The following ORC3 variants were observed in gnomAD, a reference collection of about 807,000 sequenced individuals.
ORC3 encodes origin recognition complex subunit 3.
A neutral mutation model predicts 100.7 loss-of-function variants in ORC3; 78 were observed. That is an observed-to-expected ratio of 0.77 (90% CI 0.65 to 0.94). ORC3 has a LOEUF of 0.94. ORC3 is among the 40% of genes least tolerant of loss of function. ORC3 has a pLI of 0.00. For missense variants in ORC3, 789 were observed against 823.9 expected, an observed-to-expected ratio of 0.96 and a Z score of 0.52; for synonymous variants, 295 against 289.3, an observed-to-expected ratio of 1.02 and a Z score of -0.20.
chr6:87,625,266 A>C (rs1276307739), intron 11 of ORC3, among the ~76,000 whole-genome samples: 1 of 152,188 alleles, frequency 6.6e-6, no homozygotes, highest in Non-Finnish European at 1.5e-5. Context: ...TTGAGGAATC[A>C]CCACACTGTC....
At chr6:87,662,153 G>A (rs1454283655) in intron 16 of ORC3, among the ~76,000 whole-genome samples, 4 of 152,076 alleles carry the variant, frequency 2.6e-5, no homozygotes, top group East Asian at 1.9e-4. Context: ...GGCCGGGTGC[G>A]GTGGCTCACA....
intron 3 of ORC3, among the ~76,000 whole-genome samples, chr6:87,602,286 A>G (rs1777963158): frequency 1.3e-5 from 2 of 152,168 alleles, no homozygotes; most frequent in South Asian, 4.1e-4. Flanking sequence ...GATGTTTATG[A>G]TAGCTGTTAA....
the ORC3 span, among the ~76,000 whole-genome samples, chr6:87,676,308 C>CA: frequency 2.7e-5 from 4 of 149,794 alleles, no homozygotes; most frequent in Non-Finnish European, 4.4e-5. Flanking sequence ...ACTAAAAATA[C>CA]AAAAAAATTA....
At chr6:87,602,588 G>T (rs962144450) in intron 3 of ORC3, among the ~76,000 whole-genome samples, 1 of 151,882 alleles carries the variant, frequency 6.6e-6, no homozygotes, top group Non-Finnish European at 1.5e-5. Context: ...ACACCTAGTG[G>T]TAATGAGCAA....
At chr6:87,635,398 T>C (rs1419796325) in intron 12 of ORC3, among the ~76,000 whole-genome samples, 1 of 152,236 alleles carries the variant, frequency 6.6e-6, no homozygotes, top group East Asian at 1.9e-4. Context: ...CTTTATGTTA[T>C]TCGATAAACC....
At chr6:87,652,813 C>T (rs182869234) in intron 13 of ORC3, among the ~76,000 whole-genome samples, 7 of 152,292 alleles carry the variant, frequency 4.6e-5, no homozygotes, top group Admixed American at 1.3e-4. Flanking sequence ...TTACAGACAA[C>T]GAACCAAGGA....
intron 9 of ORC3, among the ~76,000 whole-genome samples, chr6:87,617,214 T>C (rs1007436105): frequency 1.3e-5 from 2 of 152,178 alleles, no homozygotes; most frequent in Non-Finnish European, 2.9e-5. Flanking sequence ...TGCATGTGTG[T>C]GTGTGTGTGT....
chr6:87,672,062 A>G (rs886854164), downstream of ORC3, among the ~76,000 whole-genome samples: 1 of 152,226 alleles, frequency 6.6e-6, no homozygotes, highest in Non-Finnish European at 1.5e-5. Context: ...AGGAATCTTA[A>G]TTGAATCGTG....
intron 1 of ORC3, among the ~76,000 whole-genome samples, 165 bp from the exon 2 acceptor site, chr6:87,594,188 A>G (rs1318326680): frequency 6.6e-6 from 1 of 152,206 alleles, no homozygotes; most frequent in Non-Finnish European, 1.5e-5. Flanking sequence ...TTTTCCTTCT[A>G]TAGGTCAGAG....
intron 11 of ORC3, among the ~76,000 whole-genome samples, chr6:87,622,593 A>G (rs990447483): frequency 3.3e-5 from 5 of 152,092 alleles, no homozygotes; most frequent in Non-Finnish European, 5.9e-5. Flanking sequence ...CAAAATGGAT[A>G]TAGTATACTA....
chr6:87,661,294 C>T (rs1352374929), intron 16 of ORC3, among the ~76,000 whole-genome samples: 1 of 152,056 alleles, frequency 6.6e-6, no homozygotes, highest in Non-Finnish European at 1.5e-5. Context: ...GCTAAGTTAA[C>T]TTAACCTTGA....
At chr6:87,606,857 T>C (rs1041093465) in intron 5 of ORC3, among the ~76,000 whole-genome samples, 1 of 152,170 alleles carries the variant, frequency 6.6e-6, no homozygotes, top group African/African-American at 2.4e-5. Flanking sequence ...CTGGCCCTAA[T>C]GTGGTAAAAT....
intron 1 of ORC3, among the ~76,000 whole-genome samples, chr6:87,592,467 C>G (rs1252574606): frequency 6.6e-6 from 1 of 151,900 alleles, no homozygotes; most frequent in Non-Finnish European, 1.5e-5. Context: ...CACATCTGTA[C>G]TAAAATACAA....
chr6:87,594,439 C>T, intron 2 of ORC3, 32 bp downstream of exon 2: 2 of 1,530,158 alleles, frequency 1.3e-6, no homozygotes, highest in Non-Finnish European at 1.8e-6. Flanking sequence ...TTTTTTATTC[C>T]CTACCTTCTT....
chr6:87,658,119 T>C, intron 16 of ORC3, 101 bp downstream of exon 16: 3 of 638,836 alleles, frequency 4.7e-6, no homozygotes, highest in Non-Finnish European at 8.3e-6. Flanking sequence ...ATTTTTCTCC[T>C]AGGTTAGGCT....
chr6:87,623,355 G>T (rs1428976435), intron 11 of ORC3, among the ~76,000 whole-genome samples: 1 of 152,210 alleles, frequency 6.6e-6, no homozygotes, highest in African/African-American at 2.4e-5. Flanking sequence ...CTCCATGCAG[G>T]TTGTTTTGCT....
At chr6:87,667,725 G>A (rs374971284), downstream of ORC3, among the ~76,000 whole-genome samples, 36 of 152,154 alleles carry the variant, frequency 2.4e-4, no homozygotes, top group East Asian at 4.3e-3. Context: ...GCAGGAGATC[G>A]AGACCATCCT....
At chr6:87,660,309 G>A (rs1198636684) in intron 16 of ORC3, among the ~76,000 whole-genome samples, 7 of 152,248 alleles carry the variant, frequency 4.6e-5, no homozygotes, top group Non-Finnish European at 1.0e-4. Flanking sequence ...CAGGAGGGAA[G>A]AGATTAGAAT....
Position 87,616,365 on chromosome 6 carries a change from G to C in ORC3, c.925G>C (p.Val309Leu). 1 of 1,553,022 alleles carries C rather than the reference G, an allele frequency of 6.4e-7. No homozygotes were observed. The highest frequency in any genetic ancestry group is 8.9e-7 in the Non-Finnish European group (1 of 1,125,202). Reference protein sequence around the residue: ...PFKINEKVLQVLTNIFLYHDF... With the variant: ...PFKINEKVLQLLTNIFLYHDF... ...TAAAATAAATGAAAAAGTATTACAG[G>C]TTCTGACCAACATCTTTTTGTATCA... is the stretch of plus-strand genomic sequence containing the variant. Residue 309 changes from valine to leucine, a missense_variant, in exon 9 of 20, where the codon GTT becomes CTT. This residue lies in a region of ORC3 where 399 missense variants were observed against 382.0 expected (regional missense o/e 1.04). Coordinates refer to ENST00000392844, the MANE Select transcript of ORC3 (RefSeq NM_012381.4).
Sources: allele counts gnomAD v4.1 joint callset (sites outside exome capture counted in the v4.1 genomes callset), GRCh38; gene constraint gnomAD v4.1.1; regional missense constraint gnomAD v4.1.1; transcripts MANE v1.5; gene names NCBI Gene and HGNC (gene_info 2026-07-23, HGNC 2026-07-21).